The following MEF2C variants were observed in gnomAD, a reference collection of about 807,000 sequenced individuals.
The protein encoded by MEF2C is myocyte-specific enhancer factor 2C.
A neutral mutation model predicts 50.5 loss-of-function variants in MEF2C; 6 were observed. That is an observed-to-expected ratio of 0.12 (90% CI 0.07 to 0.23). The LOEUF (loss-of-function observed/expected upper bound fraction) is 0.23, where lower values mean the gene tolerates loss of function less well. Among genes scored for constraint, MEF2C ranks in the 10% least tolerant of loss-of-function variants. The pLI, the probability that MEF2C is intolerant of heterozygous loss-of-function variation, is 1.00. For missense variants in MEF2C, 276 were observed against 605.0 expected, an observed-to-expected ratio of 0.46 and a Z score of 5.70; for synonymous variants, 183 against 228.0, an observed-to-expected ratio of 0.80 and a Z score of 1.78.
intron 3 of MEF2C, among the ~76,000 whole-genome samples, chr5:88,790,596 T>C (rs1364971497): frequency 6.6e-6 from 1 of 152,248 alleles, no homozygotes; most frequent in East Asian, 1.9e-4. Context: ...GCAATACTTT[T>C]ACTTGGTTTC....
At chr5:88,753,097 TC>T (rs1773607180) in intron 4 of MEF2C, among the ~76,000 whole-genome samples, 1 of 152,164 alleles carries the variant, frequency 6.6e-6, no homozygotes. Flanking sequence ...TTTTTTTTGG[TC>T]CCATTTTGTT....
intron 1 of MEF2C, among the ~76,000 whole-genome samples, chr5:88,903,233 C>T (rs9686656): frequency 0.017 from 2,571 of 151,522 alleles, 57 homozygotes; most frequent in African/African-American, 0.059. Context: ...GCTTTAATAC[C>T]GTCTTGGTTG....
At chr5:88,847,313 T>G (rs1003708796) in intron 1 of MEF2C, among the ~76,000 whole-genome samples, 2 of 152,222 alleles carry the variant, frequency 1.3e-5, no homozygotes, top group African/African-American at 4.8e-5. Context: ...TATTCTAGTA[T>G]GTTATAATAA....
chr5:88,870,947 G>T (rs952356088), intron 1 of MEF2C, among the ~76,000 whole-genome samples: 1 of 152,024 alleles, frequency 6.6e-6, no homozygotes, highest in East Asian at 1.9e-4. Context: ...TGTGACTATT[G>T]TAAATGTTGC....
intron 6 of MEF2C, chr5:88,743,844 T>C (rs1561775773): frequency 1.0e-6 from 1 of 979,262 alleles, no homozygotes; most frequent in South Asian, 4.7e-5. Context: ...CAATTAACAT[T>C]CAAAATAAGA....
upstream of MEF2C, among the ~76,000 whole-genome samples, chr5:88,884,996 A>T (rs967605126): frequency 1.3e-5 from 2 of 152,214 alleles, no homozygotes; most frequent in South Asian, 2.1e-4. Flanking sequence ...ACTATTTTTT[A>T]AAAAATATTG....
At chr5:88,814,528 C>T (rs1281033749) in intron 2 of MEF2C, among the ~76,000 whole-genome samples, 2 of 151,832 alleles carry the variant, frequency 1.3e-5, no homozygotes, top group African/African-American at 4.8e-5. Context: ...CAAATTGAGC[C>T]TCCGTTTCGC....
At chr5:88,736,964 A>T in intron 6 of MEF2C, 1 of 984,766 alleles carries the variant, frequency 1.0e-6, no homozygotes, top group Non-Finnish European at 1.2e-6. Context: ...CTTTCAGACA[A>T]CTTCAGCCCA....
At chr5:88,887,868 TGAGA>T (rs1456467069), upstream of MEF2C, among the ~76,000 whole-genome samples, 1 of 152,216 alleles carries the variant, frequency 6.6e-6, no homozygotes, top group Non-Finnish European at 1.5e-5. Flanking sequence ...TGTCTGTGAT[TGAGA>T]ATTTGCAATA....
chr5:88,901,161 T>C (rs1835614104), intron 1 of MEF2C, among the ~76,000 whole-genome samples: 1 of 151,952 alleles, frequency 6.6e-6, no homozygotes, highest in African/African-American at 2.4e-5. Flanking sequence ...GCAGTAGAAA[T>C]GATTCCCCAC....
At chr5:88,772,697 A>T in intron 3 of MEF2C, 2 of 979,564 alleles carry the variant, frequency 2.0e-6, no homozygotes, top group East Asian at 1.1e-4. Context: ...GTGACATTCA[A>T]ATCTTTTTAA....
chr5:88,746,450 T>C (rs1416029346), intron 6 of MEF2C: 4 of 882,498 alleles, frequency 4.5e-6, no homozygotes, highest in East Asian at 3.0e-4. Flanking sequence ...ACTTTTTTTT[T>C]TTTTTTAACA....
At chr5:88,778,570 G>C (rs904805308) in intron 3 of MEF2C, among the ~76,000 whole-genome samples, 1 of 152,128 alleles carries the variant, frequency 6.6e-6, no homozygotes, top group African/African-American at 2.4e-5. Context: ...TGGGCAAAGC[G>C]AGGGATCATC....
intron 3 of MEF2C, among the ~76,000 whole-genome samples, chr5:88,784,758 C>T (rs1229442471): frequency 2.6e-5 from 4 of 152,136 alleles, no homozygotes; most frequent in African/African-American, 2.4e-5. Flanking sequence ...ATGTAAAAGG[C>T]TTTGTCCCTG....
At position 88,718,348 on chromosome 5, in the gene MEF2C, C is replaced by T. The variant is rs1755210960; in HGVS notation, c.*4256G>A. Reference sequence around the variant, plus strand: ...ATTTCCCACTTTTATTCACTACAGACAGCTGAATTAAGTCCCTTGAGATAC... The same window carrying T: ...ATTTCCCACTTTTATTCACTACAGATAGCTGAATTAAGTCCCTTGAGATAC... On this transcript the variant is annotated 3_prime_UTR_variant, in exon 11 of 11. Transcript: ENST00000504921. The T allele has an allele frequency of 1.3e-5, 2 of 152,182 alleles. No homozygotes were observed. Among genetic ancestry groups the T allele is most frequent in the Non-Finnish European group, 2.9e-5 (2 of 68,034 alleles). The allele number at this position is 152,182 out of a possible 1,614,324, so 9.4% of individuals were successfully genotyped here.
chr5:88,859,207 T>A (rs552276424), intron 1 of MEF2C, among the ~76,000 whole-genome samples: 104 of 152,134 alleles, frequency 6.8e-4, no homozygotes, highest in African/African-American at 2.4e-3. Flanking sequence ...CATGAAAAAA[T>A]AAATTCTGGA....
intron 2 of MEF2C, among the ~76,000 whole-genome samples, chr5:88,810,610 T>C (rs1802373591): frequency 6.6e-6 from 1 of 152,182 alleles, no homozygotes; most frequent in Admixed American, 6.5e-5. Context: ...GAAATCCTCA[T>C]GCACAATTTG....
intron 6 of MEF2C, chr5:88,739,607 A>G: frequency 5.1e-6 from 5 of 985,300 alleles, no homozygotes; most frequent in Non-Finnish European, 6.0e-6. Flanking sequence ...AGTTGAAAAA[A>G]AAATTAGTGG....
chr5:88,798,808 C>T (rs190442492), intron 3 of MEF2C, among the ~76,000 whole-genome samples: 1 of 152,084 alleles, frequency 6.6e-6, no homozygotes, highest in South Asian at 2.1e-4. Flanking sequence ...ATGCTGGTGA[C>T]CTTTGGATGG....
Sources: gnomAD v4.1 joint callset for allele counts (sites outside exome capture counted in the v4.1 genomes callset) on GRCh38, gnomAD v4.1.1 for gene constraint, MANE v1.5 for transcripts, NCBI Gene and HGNC (gene_info 2026-07-23, HGNC 2026-07-21) for gene names.